Variants in KCNIP4 observed in about 807,000 individuals in gnomAD.
The protein encoded by KCNIP4 is potassium voltage-gated channel interacting protein 4.
KCNIP4 carries 12 observed loss-of-function variants against 34.0 expected under a neutral mutation model. The observed-to-expected ratio is 0.35, with a 90% CI of 0.23 to 0.57. KCNIP4 has a LOEUF of 0.57. KCNIP4 is among the 20% of genes least tolerant of loss of function. KCNIP4 has a pLI of 0.83. For synonymous variants in KCNIP4, 124 were observed against 102.2 expected, an observed-to-expected ratio of 1.21 and a Z score of -1.29; for missense variants, 238 against 311.7, an observed-to-expected ratio of 0.76 and a Z score of 1.78.
chr4:21,638,809 A>T (rs1314942048), intron 1 of KCNIP4, among the ~76,000 whole-genome samples: 1 of 152,198 alleles, frequency 6.6e-6, no homozygotes, highest in Non-Finnish European at 1.5e-5. Context: ...ACAGAATTTC[A>T]GTCTTGAAAG....
chr4:20,793,872 G>A (rs891298059), intron 3 of KCNIP4, among the ~76,000 whole-genome samples: 5 of 151,926 alleles, frequency 3.3e-5, no homozygotes, highest in Non-Finnish European at 5.9e-5. Context: ...GTTTGGCTGT[G>A]TCCCCACCCA....
chr4:21,396,184 T>C (rs1722979545), intron 1 of KCNIP4, among the ~76,000 whole-genome samples: 1 of 150,948 alleles, frequency 6.6e-6, no homozygotes, highest in Admixed American at 6.7e-5. Flanking sequence ...AGTCCTTCTC[T>C]AGAAATACAT....
intron 1 of KCNIP4, among the ~76,000 whole-genome samples, chr4:21,729,563 T>G (rs11935715): frequency 0.31 from 45,359 of 148,510 alleles, 8,217 homozygotes; most frequent in East Asian, 0.68. Flanking sequence ...CAAGTGTTTT[T>G]TAAATGAAAA....
At chr4:21,601,060 TA>T (rs1362691594) in intron 1 of KCNIP4, among the ~76,000 whole-genome samples, 4 of 151,726 alleles carry the variant, frequency 2.6e-5, no homozygotes, top group Non-Finnish European at 4.4e-5. Context: ...TAGATCCCTT[TA>T]TGCTTACCAC....
At chr4:21,672,082 G>T (rs1341490431) in intron 1 of KCNIP4, among the ~76,000 whole-genome samples, 1 of 152,068 alleles carries the variant, frequency 6.6e-6, no homozygotes, top group African/African-American at 2.4e-5. Context: ...TTAAGATACT[G>T]GTTCTGACGT....
At chr4:21,134,635 T>C (rs1411722994) in intron 1 of KCNIP4, among the ~76,000 whole-genome samples, 1 of 152,194 alleles carries the variant, frequency 6.6e-6, no homozygotes, top group African/African-American at 2.4e-5. Context: ...AATTCTTTCT[T>C]CTCTTGGCTT....
At chr4:21,518,852 G>A (rs1735005645) in intron 1 of KCNIP4, among the ~76,000 whole-genome samples, 1 of 152,064 alleles carries the variant, frequency 6.6e-6, no homozygotes, top group African/African-American at 2.4e-5. Context: ...AGCCCAACAG[G>A]AGAGAGTTTG....
chr4:20,864,361 A>G (rs553002254), intron 2 of KCNIP4, among the ~76,000 whole-genome samples: 1 of 151,130 alleles, frequency 6.6e-6, no homozygotes, highest in African/African-American at 2.4e-5. Flanking sequence ...TAACATGTAT[A>G]TATGTATGTT....
chr4:21,143,181 AG>A (rs1315934702), intron 1 of KCNIP4, among the ~76,000 whole-genome samples: 23 of 152,308 alleles, frequency 1.5e-4, no homozygotes, highest in African/African-American at 5.3e-4. Context: ...TAAAATACAG[AG>A]ATTATCTACA....
intron 1 of KCNIP4, among the ~76,000 whole-genome samples, chr4:21,656,080 G>A (rs543024221): frequency 6.6e-6 from 1 of 152,298 alleles, no homozygotes; most frequent in South Asian, 2.1e-4. Context: ...CTAGATGCAG[G>A]AAGTCCAAGA....
chr4:21,245,514 T>A (rs1708825142), intron 1 of KCNIP4, among the ~76,000 whole-genome samples: 1 of 152,216 alleles, frequency 6.6e-6, no homozygotes, highest in South Asian at 2.1e-4. Context: ...GACTGTCATA[T>A]AATAGGTGCA....
chr4:21,107,243 G>T (rs1748641269), intron 1 of KCNIP4, among the ~76,000 whole-genome samples: 1 of 145,340 alleles, frequency 6.9e-6, no homozygotes, highest in Non-Finnish European at 1.5e-5. Flanking sequence ...AAGTCTCTTT[G>T]TAGGTCACTC....
chr4:21,066,370 TAC>T (rs748645722), intron 1 of KCNIP4, among the ~76,000 whole-genome samples: 1 of 151,906 alleles, frequency 6.6e-6, no homozygotes, highest in East Asian at 1.9e-4. Flanking sequence ...TGACCAACTA[TAC>T]ACACACACAC....
intron 1 of KCNIP4, among the ~76,000 whole-genome samples, chr4:21,483,872 G>T (rs530484755): frequency 7.9e-5 from 12 of 152,088 alleles, no homozygotes; most frequent in Non-Finnish European, 1.3e-4. Context: ...CTCCTGTGCT[G>T]GCCATGTAAG....
intron 1 of KCNIP4, among the ~76,000 whole-genome samples, chr4:21,468,664 G>C (rs1730196624): frequency 6.6e-6 from 1 of 152,114 alleles, no homozygotes; most frequent in Non-Finnish European, 1.5e-5. Context: ...TCTAAGACAA[G>C]CATCTCTCAT....
intron 1 of KCNIP4, among the ~76,000 whole-genome samples, chr4:21,240,143 A>C (rs967677932): frequency 8.2e-5 from 12 of 146,386 alleles, no homozygotes; most frequent in African/African-American, 3.0e-4. Context: ...CAAACACCGC[A>C]TGTTCTCACT....
intron 1 of KCNIP4, among the ~76,000 whole-genome samples, chr4:21,462,750 C>A (rs1729571329): frequency 6.8e-6 from 1 of 147,740 alleles, no homozygotes; most frequent in Non-Finnish European, 1.5e-5. Context: ...TTCTTTATGG[C>A]TAAATAGTAT....
intron 1 of KCNIP4, among the ~76,000 whole-genome samples, chr4:20,933,346 T>C (rs1368363817): frequency 1.3e-5 from 2 of 152,188 alleles, no homozygotes; most frequent in African/African-American, 4.8e-5. Context: ...TTAAATAAAA[T>C]TTCCTATTTT....
chr4:21,007,118 A>C (rs1482755387), intron 1 of KCNIP4, among the ~76,000 whole-genome samples: 2 of 152,288 alleles, frequency 1.3e-5, no homozygotes, highest in Middle Eastern at 3.4e-3. Context: ...TTAAAAAAAT[A>C]CCCTTGAATA....
Sources: gnomAD v4.1 joint callset for allele counts (sites outside exome capture counted in the v4.1 genomes callset) on GRCh38, gnomAD v4.1.1 for gene constraint, MANE v1.5 for transcripts, NCBI Gene and HGNC (gene_info 2026-07-23, HGNC 2026-07-21) for gene names.